Variants in CPNE4 observed in about 807,000 individuals in gnomAD.
The protein encoded by CPNE4 is copine-4.
In CPNE4, 25 loss-of-function variants were observed where a neutral mutation model predicts 67.9. That is an observed-to-expected ratio of 0.37 (90% CI 0.27 to 0.51). The LOEUF is 0.51. Ranked by LOEUF, CPNE4 falls within the 20% of genes least tolerant of loss-of-function variation. The pLI, the probability that CPNE4 is intolerant of heterozygous loss-of-function variation, is 0.93. For synonymous variants in CPNE4, 242 were observed against 244.9 expected, an observed-to-expected ratio of 0.99 and a Z score of 0.11; for missense variants, 464 against 690.8, an observed-to-expected ratio of 0.67 and a Z score of 3.68.
rs554264577 is a variant in CPNE4, at chr3:131,863,320, C to A, written c.180+41944G>T. On this transcript the variant is annotated intron_variant, in intron 2 of 15. Coordinates refer to ENST00000429747, the MANE Select transcript of CPNE4 (RefSeq NM_130808.3). ...CAATGGTTGAACTAGTTTACAGTCCCACCAACAGTGTAAAAGTGTTCCTAT... is the reference window on the plus strand; with the variant it reads ...CAATGGTTGAACTAGTTTACAGTCCAACCAACAGTGTAAAAGTGTTCCTAT... Among the ~76,000 whole-genome samples the A allele has an allele frequency of 4.5e-3, 691 of 152,210 alleles. 8 individuals are homozygous for A. The highest frequency in any genetic ancestry group is 0.015 in the African/African-American group (609 of 41,554).
chr3:131,733,044 C>T (rs992890194), intron 2 of CPNE4, among the ~76,000 whole-genome samples: 1 of 152,208 alleles, frequency 6.6e-6, no homozygotes, highest in Non-Finnish European at 1.5e-5. Context: ...TCCACTTAAT[C>T]ATCCCAACAA....
chr3:131,583,701 G>T (rs1341224235), intron 8 of CPNE4, among the ~76,000 whole-genome samples: 1 of 152,170 alleles, frequency 6.6e-6, no homozygotes, highest in Non-Finnish European at 1.5e-5. Flanking sequence ...CCTTGTACTT[G>T]TGAGGTGGGT....
chr3:131,794,112 C>G (rs1583210160), intron 2 of CPNE4, among the ~76,000 whole-genome samples: 1 of 152,332 alleles, frequency 6.6e-6, no homozygotes, highest in South Asian at 2.1e-4. Context: ...CAGGAGTCAT[C>G]TCTGACTGCC....
chr3:132,004,185 TA>T (rs1240689832), intron 1 of CPNE4, among the ~76,000 whole-genome samples: 2 of 151,756 alleles, frequency 1.3e-5, no homozygotes, highest in Non-Finnish European at 2.9e-5. Context: ...CAAAAAAAAA[TA>T]GATACTTTAA....
chr3:131,746,725 A>G (rs1457215824), intron 2 of CPNE4, among the ~76,000 whole-genome samples: 1 of 152,162 alleles, frequency 6.6e-6, no homozygotes, highest in Non-Finnish European at 1.5e-5. Flanking sequence ...TAGTATGGCA[A>G]TAGAGATAGG....
At chr3:131,918,559 C>T (rs1050810178) in intron 1 of CPNE4, among the ~76,000 whole-genome samples, 1 of 151,910 alleles carries the variant, frequency 6.6e-6, no homozygotes, top group African/African-American at 2.4e-5. Context: ...ACAATCATAC[C>T]GGAAAGGAAA....
At chr3:131,816,108 T>A (rs775997718) in intron 2 of CPNE4, among the ~76,000 whole-genome samples, 3 of 152,170 alleles carry the variant, frequency 2.0e-5, no homozygotes, top group Non-Finnish European at 2.9e-5. Flanking sequence ...CTGTTACATA[T>A]AGAATACTTG....
At chr3:131,875,088 T>G (rs982620329) in intron 2 of CPNE4, among the ~76,000 whole-genome samples, 2 of 152,176 alleles carry the variant, frequency 1.3e-5, no homozygotes, top group Admixed American at 1.3e-4. Flanking sequence ...CTGAGCAACT[T>G]CCCTAGCCCC....
At position 131,953,761 on chromosome 3, in the gene CPNE4, G is replaced by A. The variant is rs2071851279; in HGVS notation, c.-1-48317C>T. ...ATCAAAAGGTGGGAAGGATGAATGG[G>A]GGTGAAGAGAGGTTGGTTAATGAGT... On this transcript the variant is annotated intron_variant, in intron 1 of 15. Transcript: ENST00000429747. Among the ~76,000 whole-genome samples the A allele has an allele frequency of 1.3e-5, 2 of 152,154 alleles. 1 individual carries two copies. Among genetic ancestry groups the A allele is most frequent in the South Asian group, 4.1e-4 (2 of 4,832 alleles).
chr3:131,570,914 T>TA (rs1452760643), intron 10 of CPNE4, among the ~76,000 whole-genome samples: 1 of 152,078 alleles, frequency 6.6e-6, no homozygotes, highest in Admixed American at 6.6e-5. Flanking sequence ...GATTCTAGCT[T>TA]AAAATCTCTT....
chr3:131,664,581 G>A (rs952010641), intron 7 of CPNE4, among the ~76,000 whole-genome samples: 1 of 152,092 alleles, frequency 6.6e-6, no homozygotes, highest in African/African-American at 2.4e-5. Flanking sequence ...GGTTGAAAAG[G>A]TCAAGAAATA....
intron 2 of CPNE4, among the ~76,000 whole-genome samples, chr3:131,860,642 G>A (rs1328963422): frequency 1.3e-5 from 2 of 151,182 alleles, no homozygotes; most frequent in African/African-American, 4.8e-5. Context: ...TTGAGTCTAG[G>A]TTTGGATTAC....
chr3:131,751,845 T>G (rs999408497), intron 2 of CPNE4, among the ~76,000 whole-genome samples: 2 of 152,020 alleles, frequency 1.3e-5, no homozygotes, highest in African/African-American at 4.8e-5. Flanking sequence ...GCCTCATTAC[T>G]ACAGGTGAAG....
At chr3:131,703,819 G>C (rs530815137) in intron 3 of CPNE4, among the ~76,000 whole-genome samples, 32 of 152,238 alleles carry the variant, frequency 2.1e-4, no homozygotes, top group African/African-American at 2.4e-5. Context: ...ATGGTGAGTA[G>C]AAACAGATTA....
chr3:132,035,444 T>G (rs1157947394), upstream of CPNE4: 1 of 152,218 alleles, frequency 6.6e-6, no homozygotes, highest in African/African-American at 2.4e-5. Flanking sequence ...GGCAGGAGCC[T>G]GGAAATTATT....
intron 7 of CPNE4, among the ~76,000 whole-genome samples, chr3:131,631,867 G>A (rs1041552148): frequency 3.3e-5 from 5 of 150,826 alleles, no homozygotes; most frequent in African/African-American, 4.9e-5. Context: ...TGCTTTACAC[G>A]TAATTATCCC....
intron 2 of CPNE4, among the ~76,000 whole-genome samples, chr3:131,728,889 A>G (rs987698619): frequency 1.8e-4 from 24 of 130,816 alleles, no homozygotes; most frequent in African/African-American, 6.0e-4. Context: ...CAGCCTGGGC[A>G]ACAGAGCCTC....
intron 7 of CPNE4, among the ~76,000 whole-genome samples, chr3:131,593,134 T>C (rs187403356): frequency 6.6e-6 from 1 of 152,374 alleles, no homozygotes; most frequent in African/African-American, 2.4e-5. Context: ...ATCAGTTTAC[T>C]TTAAAGTAAA....
intron 5 of CPNE4, among the ~76,000 whole-genome samples, chr3:131,690,731 T>TAA (rs34676188): frequency 0.12 from 17,919 of 149,902 alleles, 1,261 homozygotes; most frequent in Middle Eastern, 0.22. Context: ...TCTGCACAGT[T>TAA]AAAAAAAAAA....
Sources: gnomAD v4.1 joint callset for allele counts (sites outside exome capture counted in the v4.1 genomes callset) on GRCh38, gnomAD v4.1.1 for gene constraint, MANE v1.5 for transcripts, NCBI Gene and HGNC (gene_info 2026-07-23, HGNC 2026-07-21) for gene names.